RBFOX1: variants seen among roughly 807,000 people sequenced by gnomAD.
RBFOX1 encodes RNA binding fox-1 homolog 1.
A neutral mutation model predicts 57.7 loss-of-function variants in RBFOX1; 8 were observed. That is an observed-to-expected ratio of 0.14 (90% CI 0.08 to 0.25). The LOEUF is 0.25. Among genes scored for constraint, RBFOX1 ranks in the 10% least tolerant of loss-of-function variants. The probability of loss-of-function intolerance (pLI) is 1.00; values close to 1 mark genes in which losing one functional copy is unlikely to be tolerated. For synonymous variants in RBFOX1, 326 were observed against 222.4 expected, an observed-to-expected ratio of 1.47 and a Z score of -4.15; for missense variants, 611 against 548.5, an observed-to-expected ratio of 1.11 and a Z score of -1.14.
At chr16:7,332,931 G>T (rs1318471775) in intron 4 of RBFOX1, 3 of 1,608,918 alleles carry the variant, frequency 1.9e-6, no homozygotes, top group South Asian at 1.1e-5. Flanking sequence ...AAGAAGTTGG[G>T]TCTATAGATT....
chr16:5,555,739 C>T (rs1286232014), intron 2 of RBFOX1, among the ~76,000 whole-genome samples: 2 of 151,196 alleles, frequency 1.3e-5, no homozygotes, highest in Non-Finnish European at 2.9e-5. Flanking sequence ...CCCTCTCCCT[C>T]GGCTGGGTGC....
intron 3 of RBFOX1, among the ~76,000 whole-genome samples, chr16:5,822,512 A>C (rs2055892154): frequency 1.3e-5 from 2 of 151,548 alleles, no homozygotes; most frequent in Admixed American, 6.6e-5. Context: ...GTAATAAATA[A>C]GTTCTGGAGA....
At chr16:6,934,065 G>T (rs984557470) in intron 3 of RBFOX1, among the ~76,000 whole-genome samples, 1 of 152,146 alleles carries the variant, frequency 6.6e-6, no homozygotes, top group African/African-American at 2.4e-5. Context: ...AGGCCTTGAG[G>T]GTAGGCGTAC....
rs139506841 is a variant in RBFOX1 at position 6,748,265 on chromosome 16, TTC to T, written c.-16+93631_-16+93632del. Among the ~76,000 whole-genome samples the T allele has an allele frequency of 2.6e-3, 381 of 148,842 alleles. 3 individuals are homozygous for T. Among genetic ancestry groups the T allele is most frequent in the African/African-American group, 6.5e-3 (267 of 41,000 alleles). On this transcript the variant is annotated intron_variant, in intron 3 of 15. Coordinates refer to ENST00000550418, the MANE Select transcript of RBFOX1 (RefSeq NM_018723.4). Reference sequence around the variant, plus strand: ...ATACAGACCCAGCCTTCTTTTCTCTTTCTCTCTCTCTCTCTCTACACACACAC... The same window carrying T: ...ATACAGACCCAGCCTTCTTTTCTCTTTCTCTCTCTCTCTCTACACACACAC...
intron 2 of RBFOX1, among the ~76,000 whole-genome samples, chr16:6,609,426 T>C (rs1203179449): frequency 6.6e-6 from 1 of 151,970 alleles, no homozygotes; most frequent in Non-Finnish European, 1.5e-5. Context: ...CTCACTGCAA[T>C]CTCCTCTGCC....
intron 2 of RBFOX1, among the ~76,000 whole-genome samples, chr16:5,481,735 T>TA (rs2151644750): frequency 6.6e-6 from 1 of 152,312 alleles, no homozygotes; most frequent in African/African-American, 2.4e-5. Flanking sequence ...CATTCTGCCA[T>TA]CATTCTGGAG....
chr16:6,190,853 C>T (rs1323797687), intron 1 of RBFOX1, among the ~76,000 whole-genome samples: 2 of 152,108 alleles, frequency 1.3e-5, no homozygotes, highest in Non-Finnish European at 1.5e-5. Context: ...ACATTTAAAC[C>T]GAGTTGGGAG....
At chr16:7,185,275 G>T (rs969522818) in intron 4 of RBFOX1, among the ~76,000 whole-genome samples, 4 of 152,098 alleles carry the variant, frequency 2.6e-5, no homozygotes, top group Admixed American at 2.0e-4. Context: ...GGAGGTGTTT[G>T]CACGTATTTT....
At chr16:7,238,632 C>G (rs1008065321) in intron 4 of RBFOX1, among the ~76,000 whole-genome samples, 3 of 152,128 alleles carry the variant, frequency 2.0e-5, no homozygotes, top group South Asian at 2.1e-4. Context: ...ATTTCTTTCT[C>G]TCTTTTTTTG....
chr16:7,245,425 C>G (rs934877493), intron 4 of RBFOX1, among the ~76,000 whole-genome samples: 1 of 149,446 alleles, frequency 6.7e-6, no homozygotes, highest in Non-Finnish European at 1.5e-5. Context: ...CAACCCGTCA[C>G]CTAGTATTAG....
chr16:6,947,023 C>A (rs2079671096), intron 3 of RBFOX1, among the ~76,000 whole-genome samples: 1 of 152,196 alleles, frequency 6.6e-6, no homozygotes, highest in Admixed American at 6.5e-5. Flanking sequence ...AGTCCCTTCA[C>A]CTCTCTCCTG....
At chr16:6,486,240 T>C (rs1396943259) in intron 2 of RBFOX1, among the ~76,000 whole-genome samples, 3 of 152,014 alleles carry the variant, frequency 2.0e-5, no homozygotes, top group African/African-American at 7.2e-5. Flanking sequence ...TTGTCTTTGA[T>C]TTGATTATAG....
chr16:7,013,409 A>G (rs116829005), intron 3 of RBFOX1, among the ~76,000 whole-genome samples: 1,569 of 152,310 alleles, frequency 0.01, 19 homozygotes, highest in African/African-American at 0.033. Flanking sequence ...ACATGTGACA[A>G]TGTCTGGAGA....
chr16:6,011,502 C>T (rs1380185009), intron 4 of RBFOX1, among the ~76,000 whole-genome samples: 1 of 152,130 alleles, frequency 6.6e-6, no homozygotes, highest in Non-Finnish European at 1.5e-5. Flanking sequence ...TTATTTTCCT[C>T]TGAGCCTCAG....
intron 4 of RBFOX1, among the ~76,000 whole-genome samples, chr16:7,470,629 T>C (rs954184534): frequency 8.6e-5 from 13 of 151,872 alleles, no homozygotes; most frequent in African/African-American, 3.1e-4. Context: ...GTTAGGTGGG[T>C]GAATGAGTGA....
rs972903779 is a variant in RBFOX1 at position 5,978,919 on chromosome 16, C to G, written c.351+111584C>G. Among the ~76,000 whole-genome samples, 4 of 152,294 alleles carry G rather than the reference C, an allele frequency of 2.6e-5. No homozygotes were observed. The South Asian group carries it at 6.2e-4, about 24-fold the overall frequency. On this transcript the variant is annotated intron_variant, in intron 4 of 19. Coordinates refer to the RBFOX1 transcript ENST00000641259. ...GGTGGGCTGAGGGGGTGGCTGCCAG[C>G]TTCTCCATTGTGAAGTCACTGTGTT...
chr16:7,470,069 T>G (rs2061290636), intron 4 of RBFOX1, among the ~76,000 whole-genome samples: 2 of 152,068 alleles, frequency 1.3e-5, no homozygotes, highest in African/African-American at 4.8e-5. Flanking sequence ...TGTGTGTATA[T>G]AACACATGTT....
intron 3 of RBFOX1, among the ~76,000 whole-genome samples, chr16:7,021,533 TTTTATAAAATTTTTATA>T (rs1021118607): frequency 6.9e-6 from 1 of 145,754 alleles, no homozygotes; most frequent in African/African-American, 2.5e-5. Flanking sequence ...ATTTATAAAA[TTTTATAAAATTTTTATA>T]TTTATAAAAT....
chr16:6,144,823 A>G (rs1314408066), intron 1 of RBFOX1, among the ~76,000 whole-genome samples: 1 of 152,202 alleles, frequency 6.6e-6, no homozygotes, highest in Admixed American at 6.5e-5. Flanking sequence ...ATTTGACTTC[A>G]CATATTTATT....
Sources: allele counts gnomAD v4.1 joint callset (sites outside exome capture counted in the v4.1 genomes callset), GRCh38; gene constraint gnomAD v4.1.1; transcripts MANE v1.5; gene names NCBI Gene and HGNC (gene_info 2026-07-23, HGNC 2026-07-21).